The following WNK1 variants were observed in gnomAD, a reference collection of about 807,000 sequenced individuals.
WNK1 encodes the protein serine/threonine-protein kinase WNK1.
WNK1 carries 38 observed loss-of-function variants against 222.8 expected under a neutral mutation model. The observed-to-expected ratio is 0.17, with a 90% CI of 0.13 to 0.22. The LOEUF is 0.22. Ranked by LOEUF, WNK1 falls within the 10% of genes least tolerant of loss-of-function variation. WNK1 has a pLI of 1.00. For synonymous variants in WNK1, 1,090 were observed against 1,092.9 expected, an observed-to-expected ratio of 1.00 and a Z score of 0.05; for missense variants, 2,348 against 2,918.4, an observed-to-expected ratio of 0.80 and a Z score of 4.50.
At chr12:767,987 CAAAA>C (rs549657037) in intron 1 of WNK1, among the ~76,000 whole-genome samples, 228 of 152,138 alleles carry the variant, frequency 1.5e-3, no homozygotes, top group African/African-American at 5.3e-3. Context: ...TCTACCTAGA[CAAAA>C]AAAGCCACCA....
In WNK1 at chr12:763,842, A is replaced by G. The variant is rs965556909; in HGVS notation, c.759+9518A>G. Among the ~76,000 whole-genome samples, 14 of 147,594 alleles carry G rather than the reference A, an allele frequency of 9.5e-5. 2 individuals carry two copies. Among genetic ancestry groups the G allele is most frequent in the African/African-American group, 3.4e-4 (14 of 41,078 alleles). On this transcript the variant is annotated intron_variant, in intron 1 of 27. Coordinates refer to ENST00000315939, the MANE Select transcript of WNK1 (RefSeq NM_018979.4). The stretch of plus-strand genomic sequence containing the variant: ...TTGGAGGAAAAATGAAGCATGGATA[A>G]GAGGTTAGGGGATGATAGTGCTGTC...
chr12:856,960 C>T (rs755379293), intron 4 of WNK1, among the ~76,000 whole-genome samples: 4 of 152,170 alleles, frequency 2.6e-5, no homozygotes. Flanking sequence ...AGTGACCCTG[C>T]TGTCACTGTT....
At chr12:838,704 C>T (rs990032272) in intron 4 of WNK1, among the ~76,000 whole-genome samples, 8 of 152,148 alleles carry the variant, frequency 5.3e-5, no homozygotes, top group African/African-American at 1.9e-4. Flanking sequence ...GTGTGAGCCA[C>T]TGTGCCAGCC....
chr12:800,009 T>C (rs2153990356), intron 1 of WNK1, among the ~76,000 whole-genome samples: 1 of 152,196 alleles, frequency 6.6e-6, no homozygotes, highest in East Asian at 1.9e-4. Flanking sequence ...TTAGGCACAG[T>C]GGTGCGCACC....
chr12:872,203 G>A (rs989835168), intron 9 of WNK1, among the ~76,000 whole-genome samples: 6 of 152,110 alleles, frequency 3.9e-5, no homozygotes, highest in African/African-American at 1.4e-4. Context: ...TTGGCTCACT[G>A]CAACTTCCAT....
intron 26 of WNK1, 145 bp from the exon 27 acceptor site, chr12:907,702 C>G (rs1414083826): frequency 4.3e-5 from 42 of 973,148 alleles, no homozygotes; most frequent in Non-Finnish European, 5.7e-5. Context: ...TAAACAAAAC[C>G]TTGGAATCTT....
At chr12:810,188 A>G (rs1296216552) in intron 1 of WNK1, among the ~76,000 whole-genome samples, 1 of 152,034 alleles carries the variant, frequency 6.6e-6, no homozygotes, top group Non-Finnish European at 1.5e-5. Context: ...TGGAGGTTGC[A>G]GTGAGCAGAG....
chr12:802,668 A>G (rs185208010), intron 1 of WNK1, among the ~76,000 whole-genome samples: 61 of 152,330 alleles, frequency 4.0e-4, no homozygotes, highest in Non-Finnish European at 7.4e-4. Flanking sequence ...TTTGAATAAC[A>G]AAGTTTGGAA....
intron 1 of WNK1, among the ~76,000 whole-genome samples, chr12:810,096 A>G (rs1189301453): frequency 6.6e-6 from 1 of 152,156 alleles, no homozygotes; most frequent in Non-Finnish European, 1.5e-5. Flanking sequence ...CTAAAAATAC[A>G]AAAATTAGCC....
chr12:882,356 G>C (rs185271014), intron 14 of WNK1, among the ~76,000 whole-genome samples: 334 of 152,086 alleles, frequency 2.2e-3, no homozygotes, highest in Non-Finnish European at 3.7e-3. Context: ...GTGCCACCAC[G>C]CACGGCTAGT....
At chr12:901,571 G>GT in intron 26 of WNK1, 4 of 1,289,102 alleles carry the variant, frequency 3.1e-6, no homozygotes, top group Non-Finnish European at 4.0e-6. Context: ...GCTGTGCGAA[G>GT]TTTAACTGTG....
At chr12:784,116 G>T (rs1428818985) in intron 1 of WNK1, among the ~76,000 whole-genome samples, 2 of 151,998 alleles carry the variant, frequency 1.3e-5, no homozygotes, top group Non-Finnish European at 2.9e-5. Flanking sequence ...AGCTACCTGG[G>T]AGGCTGAGGT....
intron 4 of WNK1, among the ~76,000 whole-genome samples, chr12:855,284 C>T (rs1224298282): frequency 1.3e-5 from 2 of 152,194 alleles, no homozygotes; most frequent in African/African-American, 2.4e-5. Flanking sequence ...TAGTCATTCT[C>T]ATAAATGAAG....
chr12:807,114 G>A (rs190583537), intron 1 of WNK1, among the ~76,000 whole-genome samples: 1 of 152,110 alleles, frequency 6.6e-6, no homozygotes, highest in African/African-American at 2.4e-5. Flanking sequence ...CCCTTGTGGC[G>A]GGGTGGGGGG....
intron 1 of WNK1, among the ~76,000 whole-genome samples, chr12:791,696 T>C (rs1008074466): frequency 6.6e-6 from 1 of 152,238 alleles, no homozygotes; most frequent in African/African-American, 2.4e-5. Context: ...CAGATAAAAT[T>C]GTCATTTACA....
chr12:821,787 CTTT>C (rs934374288), intron 2 of WNK1, among the ~76,000 whole-genome samples: 6 of 152,056 alleles, frequency 3.9e-5, no homozygotes, highest in African/African-American at 1.4e-4. Flanking sequence ...TCATGCTCTT[CTTT>C]ATCTCTTGCA....
In WNK1 at chr12:911,058, C is replaced by CATCT. The variant is rs1956047343; in HGVS notation, c.*2267_*2270dup. The CATCT allele has an allele frequency of 2.7e-6, 1 of 371,082 alleles. No homozygotes were observed. The highest frequency in any genetic ancestry group is 4.6e-5 in the Admixed American group (1 of 21,974). The allele number at this position is 371,082 out of a possible 1,614,324, so 23.0% of individuals were successfully genotyped here. A position where few individuals can be genotyped will look rare whatever the true frequency, so the allele number is the denominator to read the frequency against. On this transcript the variant is annotated 3_prime_UTR_variant, in exon 28 of 28. Transcript: ENST00000315939. ...TATTTGGGTTTAATAATAATTTTGA[C>CATCT]ATCTTTTCACTCATACACAAAAAAA... is the stretch of plus-strand genomic sequence containing the variant.
intron 11 of WNK1, 69 bp downstream of exon 11, chr12:880,100 A>G: frequency 1.4e-6 from 2 of 1,456,582 alleles, no homozygotes; most frequent in Admixed American, 1.8e-5. Flanking sequence ...GAACATGGAA[A>G]TCTAATAGTT....
chr12:835,329 G>A (rs1324253407), intron 4 of WNK1, among the ~76,000 whole-genome samples: 2 of 151,790 alleles, frequency 1.3e-5, no homozygotes, highest in African/African-American at 4.8e-5. Flanking sequence ...TAGAGTGAAA[G>A]CCTGTCTTAA....
Sources: allele counts gnomAD v4.1 joint callset (sites outside exome capture counted in the v4.1 genomes callset), GRCh38; gene constraint gnomAD v4.1.1; transcripts MANE v1.5; gene names NCBI Gene and HGNC (gene_info 2026-07-23, HGNC 2026-07-21).